Variants in NUP93 observed in about 807,000 individuals in gnomAD.
NUP93 encodes nuclear pore complex protein Nup93.
In NUP93, 55 loss-of-function variants were observed where a neutral mutation model predicts 107.8. The observed-to-expected ratio is 0.51, with a 90% CI of 0.41 to 0.64. NUP93 has a LOEUF of 0.64. Among genes scored for constraint, NUP93 ranks in the 30% least tolerant of loss-of-function variants. The pLI is 0.00. For synonymous variants in NUP93, 390 were observed against 397.5 expected, an observed-to-expected ratio of 0.98 and a Z score of 0.22; for missense variants, 937 against 1,044.7, an observed-to-expected ratio of 0.90 and a Z score of 1.42.
At chr16:56,827,171 C>T (rs547223448) in intron 8 of NUP93, among the ~76,000 whole-genome samples, 22 of 150,432 alleles carry the variant, frequency 1.5e-4, no homozygotes, top group African/African-American at 5.4e-4. Context: ...GAGGTAGTCT[C>T]TTGTTTTTGA....
intron 3 of NUP93, among the ~76,000 whole-genome samples, chr16:56,766,895 T>C (rs1305823168): frequency 6.6e-6 from 1 of 152,232 alleles, no homozygotes; most frequent in Non-Finnish European, 1.5e-5. Flanking sequence ...GAAAAGAAGC[T>C]GGAAGGTAAG....
intron 7 of NUP93, among the ~76,000 whole-genome samples, chr16:56,823,298 A>T (rs1963587717): frequency 2.6e-5 from 4 of 152,210 alleles, no homozygotes; most frequent in Admixed American, 1.3e-4. Flanking sequence ...AGAAACTCAG[A>T]TAACCTTGTA....
At chr16:56,738,331 T>A (rs1473933287) in intron 1 of NUP93, among the ~76,000 whole-genome samples, 1 of 152,248 alleles carries the variant, frequency 6.6e-6, no homozygotes, top group Non-Finnish European at 1.5e-5. Flanking sequence ...AATTTATTTT[T>A]CTTTGTGATG....
At chr16:56,754,767 T>A (rs1313506232) in intron 2 of NUP93, among the ~76,000 whole-genome samples, 1 of 152,228 alleles carries the variant, frequency 6.6e-6, no homozygotes, top group Non-Finnish European at 1.5e-5. Context: ...GGGGACTCTT[T>A]GTGGGGTCTG....
At chr16:56,732,550 G>A (rs1195117495) in intron 1 of NUP93, among the ~76,000 whole-genome samples, 13 of 152,232 alleles carry the variant, frequency 8.5e-5, no homozygotes, top group Non-Finnish European at 1.6e-4. Context: ...AGCATTGCTG[G>A]TAGTGGGTAG....
intron 5 of NUP93, among the ~76,000 whole-genome samples, chr16:56,814,533 A>G (rs920035193): frequency 1.3e-5 from 2 of 152,132 alleles, no homozygotes; most frequent in Non-Finnish European, 2.9e-5. Flanking sequence ...TCCTTGGGAA[A>G]AGAGTTTTAT....
At chr16:56,780,460 A>G (rs144132363) in intron 3 of NUP93, among the ~76,000 whole-genome samples, 35 of 152,234 alleles carry the variant, frequency 2.3e-4, no homozygotes, top group African/African-American at 7.9e-4. Flanking sequence ...GTGTGTTCCT[A>G]TGTTCATTCT....
chr16:56,759,411 C>T (rs1449817992), intron 3 of NUP93, among the ~76,000 whole-genome samples: 1 of 152,184 alleles, frequency 6.6e-6, no homozygotes, highest in African/African-American at 2.4e-5. Context: ...TATTTGGGCT[C>T]AATTTGAATT....
chr16:56,752,279 C>G (rs1322510116), intron 2 of NUP93, among the ~76,000 whole-genome samples: 1 of 152,062 alleles, frequency 6.6e-6, no homozygotes, highest in Non-Finnish European at 1.5e-5. Context: ...CAAGAAAACC[C>G]TGTGCACAGG....
At chr16:56,800,579 C>A (rs1962999080) in intron 4 of NUP93, among the ~76,000 whole-genome samples, 1 of 152,140 alleles carries the variant, frequency 6.6e-6, no homozygotes, top group Non-Finnish European at 1.5e-5. Flanking sequence ...TAGGGGGAGA[C>A]CTTTGACCTG....
chr16:56,808,203 A>T (rs186295417), intron 5 of NUP93, among the ~76,000 whole-genome samples: 8,858 of 90,510 alleles, frequency 0.098, 66 homozygotes, highest in Non-Finnish European at 0.13. Context: ...TAACTATATA[A>T]AATATATAGT....
chr16:56,839,917 A>T, intron 20 of NUP93: 1 of 334,584 alleles, frequency 3.0e-6, no homozygotes, highest in South Asian at 2.9e-5. Flanking sequence ...CTTGTGCTAG[A>T]GGGTATTTTA....
chr16:56,748,244 T>A lies in NUP93; in HGVS notation c.-4T>A. ...TTTTCTCCCATCTAGGATCTGCATC[T>A]CCAATGGATACTGAGGGGTTTGGTG... On this transcript the variant is annotated 5_prime_UTR_variant, in exon 2 of 22. Coordinates refer to ENST00000308159, the MANE Select transcript of NUP93 (RefSeq NM_014669.5). 1.3e-6 allele frequency: 2 copies of A among 1,591,954 alleles called. No individual in the cohort carries two copies. Among genetic ancestry groups the A allele is most frequent in the Non-Finnish European group, 1.7e-6 (2 of 1,166,668 alleles).
chr16:56,789,268 G>A (rs748915598), intron 3 of NUP93, among the ~76,000 whole-genome samples: 21 of 152,204 alleles, frequency 1.4e-4, no homozygotes, highest in Non-Finnish European at 3.1e-4. Flanking sequence ...GCCATGTGTT[G>A]TCAGGTTTTG....
chr16:56,805,998 T>G (rs1963130331), intron 5 of NUP93, among the ~76,000 whole-genome samples: 1 of 151,040 alleles, frequency 6.6e-6, no homozygotes, highest in Non-Finnish European at 1.5e-5. Context: ...GCCTGCAGCC[T>G]TGAACCTTAG....
chr16:56,799,503 C>T (rs982729738), intron 4 of NUP93, among the ~76,000 whole-genome samples: 2 of 152,092 alleles, frequency 1.3e-5, no homozygotes, highest in Admixed American at 6.6e-5. Flanking sequence ...GCCACTGGGG[C>T]CTTTTGATGA....
intron 3 of NUP93, among the ~76,000 whole-genome samples, chr16:56,776,844 G>C (rs1473940576): frequency 6.6e-6 from 1 of 152,240 alleles, no homozygotes; most frequent in Non-Finnish European, 1.5e-5. Context: ...CTGAGTTTGA[G>C]TCTCTTTGTG....
At chr16:56,829,572 A>C (rs1164357019) in intron 9 of NUP93, among the ~76,000 whole-genome samples, 1 of 152,242 alleles carries the variant, frequency 6.6e-6, no homozygotes, top group Non-Finnish European at 1.5e-5. Context: ...GGGTGGCAGG[A>C]TACAGAGGAG....
chr16:56,744,763 T>C (rs1330142510), intron 1 of NUP93, among the ~76,000 whole-genome samples: 1 of 152,210 alleles, frequency 6.6e-6, no homozygotes, highest in South Asian at 2.1e-4. Context: ...AAGTGTGATA[T>C]GAATTCATGC....
Sources: gnomAD v4.1 joint callset for allele counts (sites outside exome capture counted in the v4.1 genomes callset) on GRCh38, gnomAD v4.1.1 for gene constraint, MANE v1.5 for transcripts, NCBI Gene and HGNC (gene_info 2026-07-23, HGNC 2026-07-21) for gene names.